The following ABHD12B variants were observed in gnomAD, a reference collection of about 807,000 sequenced individuals.
ABHD12B encodes protein ABHD12B.
In ABHD12B, 42 loss-of-function variants were observed where a neutral mutation model predicts 50.4. The ratio of observed to expected loss-of-function variants is 0.83; its 90% CI spans 0.65 to 1.08. The LOEUF is 1.08. ABHD12B is among the 50% of genes least tolerant of loss of function. The pLI is 0.00. For synonymous variants in ABHD12B, 167 were observed against 160.3 expected (o/e 1.04, Z -0.32); for missense variants, 479 against 447.7 (o/e 1.07, Z -0.63).
chr14:50,878,888 G>A (rs1430150919), intron 3 of ABHD12B, 41 bp downstream of exon 3: 2 of 1,544,478 alleles, frequency 1.3e-6, no homozygotes, highest in East Asian at 2.2e-5. Context: ...TGATGGGGCA[G>A]GTGTTCCTGT....
intron 5 of ABHD12B, among the ~76,000 whole-genome samples, chr14:50,883,432 C>G (rs774433937): frequency 4.6e-5 from 7 of 152,204 alleles, no homozygotes; most frequent in Non-Finnish European, 8.8e-5. Context: ...CTTCTCAGAG[C>G]CAATGCTTGT....
chr14:50,897,642 G>T (rs2050214105), intron 9 of ABHD12B, among the ~76,000 whole-genome samples: 1 of 152,216 alleles, frequency 6.6e-6, no homozygotes, highest in Non-Finnish European at 1.5e-5. Context: ...GCATGATGTT[G>T]TGGAAAAGAG....
chr14:50,885,030 C>T (rs761315895), intron 5 of ABHD12B, among the ~76,000 whole-genome samples: 6 of 152,038 alleles, frequency 3.9e-5, no homozygotes, highest in South Asian at 2.1e-4. Context: ...GACCTAAAGG[C>T]GACTATTATT....
intron 8 of ABHD12B, 65 bp downstream of exon 8, chr14:50,886,749 A>G: frequency 6.9e-7 from 1 of 1,454,206 alleles, no homozygotes; most frequent in Non-Finnish European, 9.5e-7. Context: ...AACAGTCAAG[A>G]GACTATTGTG....
intron 5 of ABHD12B, among the ~76,000 whole-genome samples, chr14:50,882,373 CTTTTTT>C (rs386381352): frequency 1.2e-5 from 1 of 81,844 alleles, no homozygotes; most frequent in African/African-American, 5.2e-5. Context: ...AGAATGTCTG[CTTTTTT>C]TTTTTTTTTT....
At chr14:50,901,643 C>T (rs899238667) in intron 9 of ABHD12B, among the ~76,000 whole-genome samples, 186 bp from the exon 10 acceptor site, 34 of 152,282 alleles carry the variant, frequency 2.2e-4, no homozygotes, top group African/African-American at 7.0e-4. Context: ...GTTTCTTCTA[C>T]ATTCCTTTCT....
At chr14:50,903,502 T>G (rs1466871480) in intron 11 of ABHD12B, 35 bp downstream of exon 11, 2 of 1,538,472 alleles carry the variant, frequency 1.3e-6, no homozygotes, top group South Asian at 2.3e-5. Context: ...TGAAATATAC[T>G]ATACTCATTT....
At position 50,872,264 on chromosome 14, in the gene ABHD12B, C is replaced by T; in HGVS notation, c.90C>T (p.Val30=). ...GCGTGGCCGCCTGGTGGGACATGGTCGACCGCAACCTGCGGTGAGTACCGC... is the reference window on the plus strand; with the variant it reads ...GCGTGGCCGCCTGGTGGGACATGGTTGACCGCAACCTGCGGTGAGTACCGC... ...RSCVAAWWDM[V]DRNLRYFPHS... Residue 30 remains valine, a synonymous_variant, in exon 1 of 13, where the codon GTC becomes GTT. Transcript: ENST00000337334. 1.5e-6 allele frequency: 2 copies of T among 1,375,988 alleles called. No individual in the cohort carries two copies. Among genetic ancestry groups the T allele is most frequent in the Non-Finnish European group, 9.4e-7 (1 of 1,062,152 alleles). The allele number at this position is 1,375,988 out of a possible 1,614,324, so 85.2% of individuals were successfully genotyped here. A position where few individuals can be genotyped will look rare whatever the true frequency, so the allele number is the denominator to read the frequency against.
At chr14:50,898,066 C>A (rs1312240576) in intron 9 of ABHD12B, among the ~76,000 whole-genome samples, 1 of 152,192 alleles carries the variant, frequency 6.6e-6, no homozygotes, top group East Asian at 1.9e-4. Context: ...GAGCGAGGAA[C>A]AGGTGAATGT....
intron 5 of ABHD12B, 104 bp downstream of exon 5, chr14:50,881,730 G>C (rs983224252): frequency 1.4e-5 from 20 of 1,398,168 alleles, no homozygotes; most frequent in African/African-American, 2.9e-5. Flanking sequence ...GAGGTCTCCA[G>C]GGTACTGGTC....
At chr14:50,902,054 G>C in intron 10 of ABHD12B, 143 bp downstream of exon 10, 2 of 543,164 alleles carry the variant, frequency 3.7e-6, no homozygotes, top group Non-Finnish European at 6.3e-6. Flanking sequence ...CTTCTTAGAT[G>C]GGCACTAAGA....
intron 8 of ABHD12B, 63 bp downstream of exon 8, chr14:50,886,747 A>T (rs2050043909): frequency 6.8e-7 from 1 of 1,462,282 alleles, no homozygotes; most frequent in Non-Finnish European, 9.5e-7. Context: ...AAAACAGTCA[A>T]GAGACTATTG....
intron 7 of ABHD12B, among the ~76,000 whole-genome samples, chr14:50,886,411 G>A (rs1299982011): frequency 4.1e-5 from 6 of 146,448 alleles, no homozygotes; most frequent in Non-Finnish European, 7.4e-5. Context: ...CTGCACTCCA[G>A]CCTGGGTGAC....
chr14:50,876,332 T>G (rs2049863230), intron 1 of ABHD12B, among the ~76,000 whole-genome samples: 1 of 152,222 alleles, frequency 6.6e-6, no homozygotes, highest in Admixed American at 6.5e-5. Context: ...ATTCATTATC[T>G]TCTCTCTTCG....
chr14:50,895,702 C>G (rs528546737), intron 9 of ABHD12B: 1 of 152,008 alleles, frequency 6.6e-6, no homozygotes, highest in Non-Finnish European at 1.5e-5. Context: ...GCCGAGCTTC[C>G]GGTAACTCTC....
At chr14:50,892,327 A>G in intron 9 of ABHD12B, 1 of 813,782 alleles carries the variant, frequency 1.2e-6, no homozygotes, top group South Asian at 5.6e-5. Flanking sequence ...AAAAATCCAA[A>G]AGGGAATGAG....
Position 50,884,989 on chromosome 14 carries a change from C to T in ABHD12B, c.487-625C>T, listed in dbSNP as rs558370203. Among the ~76,000 whole-genome samples, 95 of 152,146 alleles carry T rather than the reference C, an allele frequency of 6.2e-4. No homozygotes were observed. In the South Asian group the frequency reaches 0.019, roughly 31 times the overall value. On this transcript the variant is annotated intron_variant, in intron 5 of 12. Transcript: ENST00000337334. ...TACAACTCTGTGTAGAGTTCTTATTCTCAAGGAATTTTTAAAAAGAGACAT... is the reference window on the plus strand; with the variant it reads ...TACAACTCTGTGTAGAGTTCTTATTTTCAAGGAATTTTTAAAAAGAGACAT...
Position 50,901,926 on chromosome 14 carries a change from A to C in ABHD12B, c.863+15A>C. 1 of 1,542,678 alleles carries C rather than the reference A, an allele frequency of 6.5e-7. No individual in the cohort carries two copies. The highest frequency in any genetic ancestry group is 1.2e-5 in the South Asian group (1 of 84,662). Reference sequence around the variant, plus strand: ...AATGATGAAAAGTAAGTTAATGATGAAAAGACATGCATTATTACTGTATCT... The same window carrying C: ...AATGATGAAAAGTAAGTTAATGATGCAAAGACATGCATTATTACTGTATCT... On this transcript the variant is annotated intron_variant, in intron 10 of 12. Transcript: ENST00000337334.
At chr14:50,900,732 G>A (rs1455726072) in intron 9 of ABHD12B, among the ~76,000 whole-genome samples, 2 of 152,184 alleles carry the variant, frequency 1.3e-5, no homozygotes, top group Non-Finnish European at 2.9e-5. Flanking sequence ...GGCCTGACAT[G>A]TTCCAGAAGC....
Sources: allele counts gnomAD v4.1 joint callset (sites outside exome capture counted in the v4.1 genomes callset), GRCh38; gene constraint gnomAD v4.1.1; transcripts MANE v1.5; gene names NCBI Gene and HGNC (gene_info 2026-07-23, HGNC 2026-07-21).